Variants in RARG observed in about 807,000 individuals in gnomAD.
RARG encodes the protein RAR-gamma.
RARG carries 17 observed loss-of-function variants against 43.7 expected under a neutral mutation model. The ratio of observed to expected loss-of-function variants is 0.39; its 90% CI spans 0.27 to 0.58. The LOEUF is 0.58. Ranked by LOEUF, RARG falls within the 20% of genes least tolerant of loss-of-function variation. The pLI is 0.57. For synonymous variants in RARG, 238 were observed against 236.4 expected (o/e 1.01, Z -0.06); for missense variants, 346 against 598.7 (o/e 0.58, Z 4.40).
Position 53,213,243 on chromosome 12 carries a change from T to G in RARG, c.1019A>C (p.Asp340Ala). Reference sequence around the variant, plus strand: ...TTCGGGCTCCTCCAGGTCCATGCGGTCTATGGGGACAAGTATACTGGAGTG... The same window carrying G: ...TTCGGGCTCCTCCAGGTCCATGCGGGCTATGGGGACAAGTATACTGGAGTG... ...LLSAICLICG[D>A]RMDLEEPEKV... The change falls in exon 9 of 10, where the codon GAC becomes GCC. Residue 340 changes from aspartate (D) to alanine (A), a missense_variant and splice_region_variant. Asp to Ala is a moderately radical substitution (Grantham distance 126). Transcript: ENST00000425354. The surrounding 1 kb of genome is among the most constrained non-coding windows in gnomAD (Gnocchi z 4.7). 1 of 1,571,054 alleles carries G rather than the reference T, an allele frequency of 6.4e-7. No homozygotes were observed. The highest frequency in any genetic ancestry group is 8.8e-7 in the Non-Finnish European group (1 of 1,141,732).
chr12:53,223,613 C>CGGGGA (rs2120711316), intron 3 of RARG, among the ~76,000 whole-genome samples: 1 of 151,080 alleles, frequency 6.6e-6, no homozygotes, highest in African/African-American at 2.4e-5. Context: ...GAGGAGAGAC[C>CGGGGA]GGGGAGGGGA....
In RARG at chr12:53,228,709, C is replaced by T. The variant is rs905208600; in HGVS notation, c.-142-1022G>A. Among the ~76,000 whole-genome samples the T allele has an allele frequency of 4.6e-4, 70 of 151,844 alleles. 1 individual carries two copies. The highest frequency in any genetic ancestry group is 7.4e-5 in the Non-Finnish European group (5 of 67,996). On this transcript the variant is annotated intron_variant, in intron 2 of 9. Transcript: ENST00000425354. ...CCTCCTTTTTTCTCTCTCTCTCTCT[C>T]TTTTTTTGTTTTGTTTTGTTGAGAC...
At position 53,213,141 on chromosome 12, in the gene RARG, T is replaced by C. The variant is rs532295094; in HGVS notation, c.1121A>G (p.Tyr374Cys). The C allele has an allele frequency of 1.2e-5, 19 of 1,614,172 alleles. No individual in the cohort carries two copies. Among genetic ancestry groups the C allele is most frequent in the Non-Finnish European group, 1.5e-5 (18 of 1,180,030 alleles). The change falls in exon 9 of 10, where the codon TAC (tyrosine) becomes TGC (cysteine). Residue 374 changes from tyrosine (Y) to cysteine (C), a missense_variant. By Grantham distance (194) the Tyr-to-Cys change is radical. Transcript: ENST00000425354. The surrounding 1 kb of genome is among the most constrained non-coding windows in gnomAD (Gnocchi z 4.7). Reference protein sequence around the residue: ...YARRRRPSQPYMFPRMLMKIT... With the variant: ...YARRRRPSQPCMFPRMLMKIT... ...TTTCATTAGCATCCTTGGGAACATG[T>C]AGGGCTGGCTGGGCCGCCGGCGCCG...
intron 2 of RARG, among the ~76,000 whole-genome samples, chr12:53,230,493 T>C (rs1943206803): frequency 6.6e-6 from 1 of 152,180 alleles, no homozygotes; most frequent in Admixed American, 6.5e-5. Flanking sequence ...AACCCAGGCA[T>C]CCTCTGCTCT....
At position 53,213,466 on chromosome 12, in the gene RARG, C is replaced by G. The variant is rs772472851; in HGVS notation, c.1018+30G>C. 11 of 1,607,184 alleles carry G rather than the reference C, an allele frequency of 6.8e-6. No homozygotes were observed. The South Asian group carries it at 1.1e-4, about 16-fold the overall frequency. On this transcript the variant is annotated intron_variant, in intron 8 of 9. Coordinates refer to ENST00000425354, the MANE Select transcript of RARG (RefSeq NM_000966.6). This position sits in a 1 kb window ranked among gnomAD's most constrained non-coding sequence, Gnocchi z 4.7. ...GAGTGGTGGGAAAGGAGACTGAGCA[C>G]TGAGCAGACGCCAGGGGGCGCCCCC... is the stretch of plus-strand genomic sequence containing the variant.
chr12:53,216,841 T>TGTGTGTGTGTGTGTGTGTGCGCGC (rs1430491578), intron 3 of RARG, among the ~76,000 whole-genome samples: 1 of 129,384 alleles, frequency 7.7e-6, no homozygotes, highest in African/African-American at 3.4e-5. Context: ...TGTGTGTGTG[T>TGTGTGTGTGTGTGTGTGTGCGCGC]GCGCGCGCGC....
At chr12:53,223,575 C>G (rs1294799082) in intron 3 of RARG, among the ~76,000 whole-genome samples, 1 of 139,452 alleles carries the variant, frequency 7.2e-6, no homozygotes, top group Admixed American at 7.6e-5. Context: ...CCGTTTGTGT[C>G]GGCCTGGAGC....
At chr12:53,222,212 C>CA (rs1419270306) in intron 3 of RARG, among the ~76,000 whole-genome samples, 11 of 91,372 alleles carry the variant, frequency 1.2e-4, no homozygotes, top group Middle Eastern at 4.8e-3. Context: ...CCGAACCCCA[C>CA]AAAAAAAAGA....
At position 53,232,202 on chromosome 12, in the gene RARG, G is replaced by A. The variant is rs1943253295; in HGVS notation, c.-438C>T. On this transcript the variant is annotated 5_prime_UTR_variant, in exon 1 of 10. Coordinates refer to ENST00000425354, the MANE Select transcript of RARG (RefSeq NM_000966.6). ...AAACCGCACACTGACTCTGCAGGCG[G>A]GGACACGGAAAATATTTTCTTTCTT... is the stretch of plus-strand genomic sequence containing the variant. 4 of 398,370 alleles carry A rather than the reference G, an allele frequency of 1.0e-5. No individual in the cohort carries two copies. Among genetic ancestry groups the A allele is most frequent in the Middle Eastern group, 6.3e-4 (1 of 1,588 alleles). The allele number at this position is 398,370 out of a possible 1,614,324, so 24.7% of individuals were successfully genotyped here.
At position 53,227,667 on chromosome 12, in the gene RARG, C is replaced by A; in HGVS notation, c.-122G>T. On this transcript the variant is annotated 5_prime_UTR_variant, in exon 3 of 10. Coordinates refer to ENST00000425354, the MANE Select transcript of RARG (RefSeq NM_000966.6). The surrounding 1 kb of genome is among the most constrained non-coding windows in gnomAD (Gnocchi z 4.3). ...CTCCGTACCCGCCCTGCCTGGCCTG[C>A]CCACTGGGCCTCCAAAAGTCCTAGG... is the stretch of plus-strand genomic sequence containing the variant. 1 of 1,323,794 alleles carries A rather than the reference C, an allele frequency of 7.6e-7. No individual in the cohort carries two copies. Among genetic ancestry groups the A allele is most frequent in the Non-Finnish European group, 9.7e-7 (1 of 1,034,564 alleles). 82.0% of individuals were successfully genotyped at this position (1,323,794 alleles called of 1,614,324 possible).
intron 2 of RARG, among the ~76,000 whole-genome samples, chr12:53,228,764 G>C (rs1289711106): frequency 1.3e-5 from 2 of 152,058 alleles, no homozygotes; most frequent in Non-Finnish European, 2.9e-5. Flanking sequence ...AGTAGAGATG[G>C]GGTTTCTCCA....
At chr12:53,225,895 G>A (rs371481778) in intron 3 of RARG, among the ~76,000 whole-genome samples, 106 of 152,346 alleles carry the variant, frequency 7.0e-4, no homozygotes, top group Admixed American at 1.2e-3. Flanking sequence ...CTCTATGCCA[G>A]ACCTGCAGGG....
At chr12:53,214,768 TCCCAGGCTGGTTCTCCCCAGC>T in intron 5 of RARG, 162 bp from the exon 6 acceptor site, 1 of 819,482 alleles carries the variant, frequency 1.2e-6, no homozygotes, top group Non-Finnish European at 1.8e-6. Flanking sequence ...TAGCTCCTAT[TCCCAGGCTGGTTCTCCCCAGC>T]CCCACCCAGG....
rs61199415 is a variant in RARG, at chr12:53,216,841, TGCGCGCGCGC to T, written c.185-1057_185-1048del. Among the ~76,000 whole-genome samples the T allele has an allele frequency of 5.5e-3, 709 of 129,426 alleles. 5 individuals are homozygous for T. The highest frequency in any genetic ancestry group is 0.021 in the African/African-American group (626 of 29,606). The allele number at this position is 129,426 out of a possible 152,430, so 84.9% of individuals were successfully genotyped here. A position where few individuals can be genotyped will look rare whatever the true frequency, so the allele number is the denominator to read the frequency against. ...GGGTAAGTGTGTGTGTGTGTGTGTG[TGCGCGCGCGC>T]GCGCGCGCGCGTGTGGTTGGTCTTC... On this transcript the variant is annotated intron_variant, in intron 3 of 9. Coordinates refer to ENST00000425354, the MANE Select transcript of RARG (RefSeq NM_000966.6).
intron 3 of RARG, among the ~76,000 whole-genome samples, chr12:53,216,145 G>A (rs1174928676): frequency 6.6e-6 from 1 of 152,164 alleles, no homozygotes; most frequent in Non-Finnish European, 1.5e-5. Flanking sequence ...TCCAGGAGGT[G>A]GGTAGAAGAG....
rs1942664789 is a variant in RARG at position 53,213,394 on chromosome 12, A to C, written c.1018+102T>G. The C allele has an allele frequency of 6.7e-7, 1 of 1,497,362 alleles. No homozygotes were observed. The highest frequency in any genetic ancestry group is 9.2e-7 in the Non-Finnish European group (1 of 1,088,874). The allele number at this position is 1,497,362 out of a possible 1,614,324, so 92.8% of individuals were successfully genotyped here. A position where few individuals can be genotyped will look rare whatever the true frequency, so the allele number is the denominator to read the frequency against. On this transcript the variant is annotated intron_variant, in intron 8 of 9. Transcript: ENST00000425354. The surrounding 1 kb of genome is among the most constrained non-coding windows in gnomAD (Gnocchi z 4.7). ...GCCAGGTGCAAGAATTACCAGCAGA[A>C]GAGACCACTGGGTCCTCCACGCCCC... is the stretch of plus-strand genomic sequence containing the variant.
chr12:53,214,897 G>T, intron 5 of RARG: 2 of 432,846 alleles, frequency 4.6e-6, no homozygotes, highest in Non-Finnish European at 4.1e-6. Flanking sequence ...ATATGCAGGC[G>T]GCAGGATATC....
chr12:53,220,909 A>G (rs961176819), intron 3 of RARG, among the ~76,000 whole-genome samples: 1 of 151,864 alleles, frequency 6.6e-6, no homozygotes, highest in Admixed American at 6.5e-5. Flanking sequence ...CACCCCTCTC[A>G]TTCCCAGGCC....
intron 3 of RARG, among the ~76,000 whole-genome samples, chr12:53,221,275 C>A (rs888791410): frequency 6.6e-6 from 1 of 151,938 alleles, no homozygotes; most frequent in Non-Finnish European, 1.5e-5. Flanking sequence ...CCGCAACTGA[C>A]GCCCCCTAAG....
Sources: gnomAD v4.1 joint callset for allele counts (sites outside exome capture counted in the v4.1 genomes callset) on GRCh38, gnomAD v4.1.1 for gene constraint, Gnocchi (gnomAD v3.1) non-coding constraint, MANE v1.5 for transcripts, NCBI Gene and HGNC (gene_info 2026-07-23, HGNC 2026-07-21) for gene names.